SGCZ: variants seen among roughly 807,000 people sequenced by gnomAD.
The protein encoded by SGCZ is zeta-sarcoglycan.
Under a neutral mutation model 41.3 loss-of-function variants are expected in SGCZ, and 40 were observed. The observed-to-expected ratio is 0.97, with a 90% CI of 0.75 to 1.26. SGCZ has a LOEUF of 1.26. Ranked by LOEUF, SGCZ falls within the 50% of genes most tolerant of loss-of-function variation. The pLI is 0.00. For missense variants in SGCZ, 552 were observed against 369.8 expected (o/e 1.49, Z -4.04); for synonymous variants, 206 against 137.5 (o/e 1.50, Z -3.49).
chr8:14,809,402 G>A (rs2130531952), intron 1 of SGCZ, among the ~76,000 whole-genome samples: 1 of 152,152 alleles, frequency 6.6e-6, no homozygotes, highest in South Asian at 2.1e-4. Context: ...TGAAGACATT[G>A]ATAGAAGGAT....
At chr8:14,427,003 G>A (rs1035232163) in intron 2 of SGCZ, among the ~76,000 whole-genome samples, 1 of 149,734 alleles carries the variant, frequency 6.7e-6, no homozygotes, top group Non-Finnish European at 1.5e-5. Flanking sequence ...TCCTGGCTCA[G>A]TAGCCTGTTT....
intron 7 of SGCZ, among the ~76,000 whole-genome samples, chr8:14,092,491 G>C (rs543207605): frequency 1.1e-4 from 16 of 151,878 alleles, no homozygotes; most frequent in Non-Finnish European, 2.2e-4. Flanking sequence ...AGCTGATATG[G>C]TTTGGCTGTG....
intron 2 of SGCZ, among the ~76,000 whole-genome samples, chr8:14,463,868 G>C (rs1018278352): frequency 6.7e-6 from 1 of 148,448 alleles, no homozygotes; most frequent in East Asian, 1.9e-4. Context: ...TTCTGCATCA[G>C]TTGAGATGAT....
intron 1 of SGCZ, among the ~76,000 whole-genome samples, chr8:15,144,644 C>T (rs992891021): frequency 6.6e-6 from 1 of 152,070 alleles, no homozygotes; most frequent in Non-Finnish European, 1.5e-5. Flanking sequence ...TTAGTAGAGA[C>T]AGGGTTTCAC....
chr8:14,813,017 C>G (rs542315855), intron 1 of SGCZ, among the ~76,000 whole-genome samples: 39 of 152,008 alleles, frequency 2.6e-4, no homozygotes, highest in Non-Finnish European at 5.4e-4. Flanking sequence ...TGAAGAGAGT[C>G]TAAAATAAAT....
At chr8:14,793,774 G>A (rs371309779) in intron 1 of SGCZ, among the ~76,000 whole-genome samples, 1 of 152,034 alleles carries the variant, frequency 6.6e-6, no homozygotes, top group East Asian at 1.9e-4. Context: ...CCAGGCCACT[G>A]GTTGTCTACT....
In SGCZ at chr8:14,085,558, A is replaced by G. The variant is rs936778924; in HGVS notation, c.*4885T>C. Among the ~76,000 whole-genome samples the G allele has an allele frequency of 2.0e-5, 3 of 151,978 alleles. No homozygotes were observed. The South Asian group carries it at 6.2e-4, about 31-fold the overall frequency. On this transcript the variant is annotated 3_prime_UTR_variant, in exon 8 of 8. Transcript: ENST00000382080. ...AAAATGCAGAGCCACCTCAGTTAAC[A>G]ATTAAAAAATAGCCCTCTGGTTCTA...
chr8:15,131,625 C>G (rs1026154599), intron 1 of SGCZ, among the ~76,000 whole-genome samples: 1 of 152,052 alleles, frequency 6.6e-6, no homozygotes, highest in African/African-American at 2.4e-5. Context: ...AAAGACATCC[C>G]GATTTCTGTG....
At chr8:14,905,174 T>C (rs1265658699) in intron 1 of SGCZ, among the ~76,000 whole-genome samples, 1 of 152,044 alleles carries the variant, frequency 6.6e-6, no homozygotes, top group Non-Finnish European at 1.5e-5. Context: ...TAGATGAAGT[T>C]AATCGACAAG....
At position 14,106,702 on chromosome 8, in the gene SGCZ, A is replaced by AACTT. The variant is rs1322007976; in HGVS notation, c.620+1457_620+1460dup. 2.0e-5 allele frequency among the ~76,000 whole-genome samples: 3 copies of AACTT among 152,318 alleles called. No individual in the cohort carries two copies. In the East Asian group the frequency reaches 5.8e-4, roughly 29 times the overall value. On this transcript the variant is annotated intron_variant, in intron 6 of 7. Coordinates refer to ENST00000382080, the MANE Select transcript of SGCZ (RefSeq NM_139167.4). The stretch of plus-strand genomic sequence containing the variant: ...TCCTTATGAAATAAAAAGGTTTTGT[A>AACTT]ACTTAATGTTTTTATTTTGCTTCCC...
At chr8:14,471,337 T>C (rs1426036087) in intron 2 of SGCZ, among the ~76,000 whole-genome samples, 1 of 152,162 alleles carries the variant, frequency 6.6e-6, no homozygotes, top group Admixed American at 6.6e-5. Context: ...TGCTTATAAA[T>C]CATACTTATA....
intron 1 of SGCZ, among the ~76,000 whole-genome samples, chr8:15,061,142 C>A (rs1433577403): frequency 4.2e-5 from 6 of 142,448 alleles, no homozygotes. Context: ...TGTATCCCCC[C>A]AAACTCATGT....
intron 1 of SGCZ, among the ~76,000 whole-genome samples, chr8:14,580,669 A>G (rs1804858056): frequency 2.6e-5 from 4 of 152,228 alleles, no homozygotes; most frequent in African/African-American, 7.2e-5. Flanking sequence ...ACAAAATTAG[A>G]GTTTAAAACA....
At chr8:14,629,163 T>C (rs546269178) in intron 1 of SGCZ, among the ~76,000 whole-genome samples, 1 of 152,130 alleles carries the variant, frequency 6.6e-6, no homozygotes, top group African/African-American at 2.4e-5. Flanking sequence ...CTGAAGTCCA[T>C]CTTCAGTTGT....
At chr8:14,834,509 C>G (rs188649470) in intron 1 of SGCZ, among the ~76,000 whole-genome samples, 2 of 152,208 alleles carry the variant, frequency 1.3e-5, no homozygotes, top group African/African-American at 2.4e-5. Context: ...AAAGAGTTCC[C>G]CACCTGAAAA....
At chr8:14,417,621 T>C (rs1461807191) in intron 2 of SGCZ, among the ~76,000 whole-genome samples, 1 of 151,838 alleles carries the variant, frequency 6.6e-6, no homozygotes, top group Non-Finnish European at 1.5e-5. Context: ...ATTTACAATA[T>C]TTTGAATAAA....
At chr8:14,546,643 A>C (rs999677220) in intron 2 of SGCZ, among the ~76,000 whole-genome samples, 1 of 152,166 alleles carries the variant, frequency 6.6e-6, no homozygotes, top group African/African-American at 2.4e-5. Context: ...CCATTTAATT[A>C]ATAAAGTTTG....
intron 1 of SGCZ, among the ~76,000 whole-genome samples, chr8:15,193,217 A>G (rs1800596939): frequency 6.6e-6 from 1 of 152,100 alleles, no homozygotes; most frequent in Non-Finnish European, 1.5e-5. Context: ...TGATAATAGC[A>G]TTCACCAAAG....
chr8:14,212,282 A>C (rs1050367296), intron 4 of SGCZ, among the ~76,000 whole-genome samples: 1 of 151,916 alleles, frequency 6.6e-6, no homozygotes, highest in African/African-American at 2.4e-5. Context: ...GCTAGTGAAA[A>C]ACCTACCAGG....
Sources: gnomAD v4.1 joint callset for allele counts (sites outside exome capture counted in the v4.1 genomes callset) on GRCh38, gnomAD v4.1.1 for gene constraint, MANE v1.5 for transcripts, NCBI Gene and HGNC (gene_info 2026-07-23, HGNC 2026-07-21) for gene names.